Variants in DGLUCY observed in about 807,000 individuals in gnomAD.
DGLUCY encodes the protein D-glutamate cyclase, mitochondrial.
A neutral mutation model predicts 58.5 loss-of-function variants in DGLUCY; 58 were observed. That is an observed-to-expected ratio of 0.99 (90% CI 0.80 to 1.23). The LOEUF is 1.23. Among genes scored for constraint, DGLUCY ranks in the 50% most tolerant of loss-of-function variants. The pLI is 0.00. For synonymous variants in DGLUCY, 325 were observed against 314.1 expected (o/e 1.03, Z -0.37); for missense variants, 779 against 784.7 (o/e 0.99, Z 0.09).
At chr14:91,111,286 A>AT (rs200814608), upstream of DGLUCY, among the ~76,000 whole-genome samples, 7,231 of 58,854 alleles carry the variant, frequency 0.12, 358 homozygotes, top group Middle Eastern at 0.27. Flanking sequence ...ATATATATAT[A>AT]TATATTTTTT....
intron 1 of DGLUCY, among the ~76,000 whole-genome samples, chr14:91,143,964 G>T (rs2046877580): frequency 6.6e-6 from 1 of 152,096 alleles, no homozygotes; most frequent in African/African-American, 2.4e-5. Context: ...ATCCAGCTCT[G>T]TGCCACCGCG....
At chr14:91,220,697 G>A (rs1317284960) in intron 13 of DGLUCY, 2 of 455,694 alleles carry the variant, frequency 4.4e-6, no homozygotes, top group African/African-American at 4.0e-5. Context: ...CCTGCCTATT[G>A]CAAGATGAGA....
chr14:91,070,429 C>T (rs1351721958), intron 1 of DGLUCY, among the ~76,000 whole-genome samples: 4 of 152,216 alleles, frequency 2.6e-5, no homozygotes, highest in East Asian at 1.9e-4. Flanking sequence ...GTGAAGCAGC[C>T]GATTGCCTCA....
intron 11 of DGLUCY, among the ~76,000 whole-genome samples, chr14:91,203,235 G>A (rs142947877): frequency 7.9e-5 from 12 of 152,370 alleles, no homozygotes; most frequent in Admixed American, 1.3e-4. Context: ...TCAGTGGGCT[G>A]TCATAGATCT....
At chr14:91,218,863 C>A (rs1887006876) in intron 13 of DGLUCY, among the ~76,000 whole-genome samples, 1 of 151,966 alleles carries the variant, frequency 6.6e-6, no homozygotes. Flanking sequence ...ATTTCAGGAG[C>A]CAAGATGGAA....
chr14:91,099,872 C>A (rs1167998755), intron 1 of DGLUCY, among the ~76,000 whole-genome samples: 3 of 151,966 alleles, frequency 2.0e-5, no homozygotes, highest in Non-Finnish European at 4.4e-5. Flanking sequence ...ACATCCTCAC[C>A]TTTAACTAGA....
At chr14:91,111,820 G>A (rs892524913), upstream of DGLUCY, among the ~76,000 whole-genome samples, 13 of 152,246 alleles carry the variant, frequency 8.5e-5, no homozygotes, top group Admixed American at 2.6e-4. Context: ...GTTGTAGCAT[G>A]TATAGGAATT....
intron 1 of DGLUCY, among the ~76,000 whole-genome samples, chr14:91,127,582 G>C (rs1172506742): frequency 2.6e-5 from 4 of 152,242 alleles, no homozygotes; most frequent in Admixed American, 2.0e-4. Flanking sequence ...GGCTGTTTGC[G>C]GTTTGGCCAG....
chr14:91,180,571 CAAAA>C (rs1212639674), intron 7 of DGLUCY, among the ~76,000 whole-genome samples: 6 of 86,148 alleles, frequency 7.0e-5, no homozygotes, highest in African/African-American at 4.5e-5. Context: ...GACTCCATCT[CAAAA>C]AAAAAAAAAA....
chr14:91,134,172 A>G (rs898985094), intron 1 of DGLUCY, among the ~76,000 whole-genome samples: 2 of 152,198 alleles, frequency 1.3e-5, no homozygotes, highest in Non-Finnish European at 2.9e-5. Context: ...TTTTGGAATC[A>G]GCGTGTTCAG....
chr14:91,119,565 T>C (rs888415486), intron 1 of DGLUCY, among the ~76,000 whole-genome samples: 1 of 152,126 alleles, frequency 6.6e-6, no homozygotes, highest in Non-Finnish European at 1.5e-5. Flanking sequence ...TTCCACTCAC[T>C]CCCTAAATAT....
intron 1 of DGLUCY, among the ~76,000 whole-genome samples, chr14:91,115,767 G>T (rs1226995334): frequency 6.6e-6 from 1 of 152,186 alleles, no homozygotes; most frequent in Non-Finnish European, 1.5e-5. Context: ...ATCCCCGGAG[G>T]CCAACTGGTG....
At chr14:91,099,181 A>G (rs1481133587) in intron 1 of DGLUCY, among the ~76,000 whole-genome samples, 2 of 152,222 alleles carry the variant, frequency 1.3e-5, no homozygotes, top group African/African-American at 4.8e-5. Context: ...AGAGAACAGC[A>G]GTTTAAGAAA....
upstream of DGLUCY, among the ~76,000 whole-genome samples, chr14:91,105,712 T>G (rs1362374512): frequency 6.6e-6 from 1 of 152,220 alleles, no homozygotes; most frequent in African/African-American, 2.4e-5. Context: ...ATTTCTGTTT[T>G]AAAGTATGTT....
intron 1 of DGLUCY, among the ~76,000 whole-genome samples, chr14:91,133,848 A>G (rs1176314042): frequency 6.6e-6 from 1 of 152,182 alleles, no homozygotes; most frequent in Non-Finnish European, 1.5e-5. Context: ...ATCCTAATGT[A>G]TGTCAAGTGG....
At chr14:91,189,635 G>A (rs571113525) in intron 9 of DGLUCY, among the ~76,000 whole-genome samples, 15 of 152,280 alleles carry the variant, frequency 9.9e-5, no homozygotes, top group African/African-American at 3.6e-4. Context: ...ACGCGAGGCT[G>A]TAATTCCACT....
chr14:91,099,550 C>G (rs1197919029), intron 1 of DGLUCY, among the ~76,000 whole-genome samples: 3 of 148,764 alleles, frequency 2.0e-5, no homozygotes, highest in African/African-American at 7.4e-5. Context: ...AAAAAATGCC[C>G]TTCGCTGATA....
intron 1 of DGLUCY, among the ~76,000 whole-genome samples, chr14:91,119,455 C>T (rs1443493516): frequency 6.6e-6 from 1 of 152,182 alleles, no homozygotes; most frequent in Non-Finnish European, 1.5e-5. Flanking sequence ...ACTGTGCTCC[C>T]ATACCTGAAG....
At chr14:91,197,808 G>A (rs2140562725) in intron 10 of DGLUCY, among the ~76,000 whole-genome samples, 1 of 152,276 alleles carries the variant, frequency 6.6e-6, no homozygotes, top group East Asian at 1.9e-4. Flanking sequence ...GTGGGCACTG[G>A]GTTTGCTTCC....
Sources: gnomAD v4.1 joint callset for allele counts (sites outside exome capture counted in the v4.1 genomes callset) on GRCh38, gnomAD v4.1.1 for gene constraint, MANE v1.5 for transcripts, NCBI Gene and HGNC (gene_info 2026-07-23, HGNC 2026-07-21) for gene names.